Variants in CHGB observed in about 807,000 individuals in gnomAD.
CHGB encodes the protein secretogranin-1.
CHGB carries 46 observed loss-of-function variants against 69.9 expected under a neutral mutation model. The observed-to-expected ratio is 0.66, with a 90% CI of 0.52 to 0.84. The LOEUF (loss-of-function observed/expected upper bound fraction) is 0.84, where lower values mean the gene tolerates loss of function less well. CHGB is among the 40% of genes least tolerant of loss of function. The pLI, the probability that CHGB is intolerant of heterozygous loss-of-function variation, is 0.00. For synonymous variants in CHGB, 312 were observed against 298.2 expected, an observed-to-expected ratio of 1.05 and a Z score of -0.48; for missense variants, 796 against 822.2, an observed-to-expected ratio of 0.97 and a Z score of 0.39.
chr20:5,911,969 G>A (rs1356044957), intron 1 of CHGB, among the ~76,000 whole-genome samples: 2 of 152,176 alleles, frequency 1.3e-5, no homozygotes, highest in Non-Finnish European at 2.9e-5. Context: ...ATACCTGCAA[G>A]GAAACCTCAC....
chr20:5,918,163 A>AACAAAACAAAAC (rs1399922235), intron 3 of CHGB, among the ~76,000 whole-genome samples: 3,631 of 147,716 alleles, frequency 0.025, 189 homozygotes, highest in African/African-American at 0.089. Context: ...AAAAAAAAAA[A>AACAAAACAAAAC]AAAAAAAACT....
Position 5,924,092 on chromosome 20 carries a change from G to A in CHGB, c.1948G>A (p.Glu650Lys). Reference sequence around the variant, plus strand: ...CAGGGCTGACCAGACAGTCCTGACAGAGGACGAGGTATGGTCTAGGGCTTC... The same window carrying A: ...CAGGGCTGACCAGACAGTCCTGACAAAGGACGAGGTATGGTCTAGGGCTTC... ...KDRADQTVLT[E>K]DEKKELENLA... is the part of the protein sequence containing the mutation. The change falls in exon 4 of 5, where the codon GAG becomes AAG. Residue 650 changes from glutamate (E) to lysine (K), a missense_variant. Glu to Lys is a moderately conservative substitution (Grantham distance 56). Transcript: ENST00000378961. The A allele has an allele frequency of 6.2e-7, 1 of 1,608,890 alleles. No homozygotes were observed. The highest frequency in any genetic ancestry group is 8.5e-7 in the Non-Finnish European group (1 of 1,177,272).
intron 1 of CHGB, among the ~76,000 whole-genome samples, chr20:5,913,772 GGT>G (rs1321984129): frequency 6.6e-6 from 1 of 151,358 alleles, no homozygotes; most frequent in African/African-American, 2.4e-5. Flanking sequence ...TGGGATTACA[GGT>G]GTGTGTCACC....
rs56291961 is a variant in CHGB, at chr20:5,924,097, C to T, written c.1953C>T (p.Asp651=). The T allele has an allele frequency of 1.1e-3, 1,765 of 1,606,532 alleles. 2 individuals carry two copies. Among genetic ancestry groups the T allele is most frequent in the Non-Finnish European group, 1.4e-3 (1,637 of 1,176,028 alleles). ...DRADQTVLTE[D]EKKELENLAA... ...CTGACCAGACAGTCCTGACAGAGGA[C>T]GAGGTATGGTCTAGGGCTTCTGTTT... Residue 651 remains aspartate (D), a synonymous_variant, in exon 4 of 5, where the codon GAC becomes GAT. Transcript: ENST00000378961.
At chr20:5,920,869 A>G (rs1418278155) in intron 3 of CHGB, among the ~76,000 whole-genome samples, 1 of 152,254 alleles carries the variant, frequency 6.6e-6, no homozygotes, top group Non-Finnish European at 1.5e-5. Context: ...ACATGAGAAT[A>G]TTATTATCAT....
At chr20:5,912,794 C>T (rs1295804220) in intron 1 of CHGB, among the ~76,000 whole-genome samples, 1 of 152,090 alleles carries the variant, frequency 6.6e-6, no homozygotes, top group Non-Finnish European at 1.5e-5. Context: ...GATTGAGACT[C>T]CTACCTAGAA....
chr20:5,916,817 T>TC lies in CHGB; in HGVS notation c.97-3dup. The TC allele has an allele frequency of 1.2e-6, 2 of 1,613,980 alleles. No homozygotes were observed. The highest frequency in any genetic ancestry group is 2.2e-5 in the East Asian group (1 of 44,876). On this transcript the variant is annotated splice_polypyrimidine_tract_variant and intron_variant, in intron 2 of 4. Coordinates refer to ENST00000378961, the MANE Select transcript of CHGB (RefSeq NM_001819.3). ...AGCTTCTCCAACCTGCTTTCGGGTT[T>TC]CCCCCCAGGTGACTCGCTGCATCAT...
chr20:5,918,764 AT>A (rs2088494513), intron 3 of CHGB, among the ~76,000 whole-genome samples: 1 of 130,664 alleles, frequency 7.7e-6, no homozygotes, highest in Admixed American at 9.0e-5. Flanking sequence ...GTAAGCCGAG[AT>A]TGCCCCACGG....
chr20:5,914,376 G>A (rs759905535), intron 1 of CHGB, among the ~76,000 whole-genome samples: 15 of 151,912 alleles, frequency 9.9e-5, no homozygotes, highest in Non-Finnish European at 1.6e-4. Context: ...GAGAAACAAC[G>A]GTTTCATAAA....
rs764663273 is a variant in CHGB, at chr20:5,925,060, A to G, written c.*11A>G. On this transcript the variant is annotated 3_prime_UTR_variant, in exon 5 of 5. Transcript: ENST00000378961. ...AGCCAAAGGGGCTGACTGTCATTGG[A>G]GCGGTGGGCACTGTTAAGAAGCAGC... 1.5e-5 allele frequency: 24 copies of G among 1,594,430 alleles called. No homozygotes were observed. The highest frequency in any genetic ancestry group is 3.3e-4 in the Middle Eastern group (2 of 6,016).
At position 5,924,995 on chromosome 20, in the gene CHGB, T is replaced by C; in HGVS notation, c.1980T>C (p.Ala660=). The change falls in exon 5 of 5, where the codon GCT becomes GCC. Residue 660 remains alanine, a synonymous_variant. Transcript: ENST00000378961. Reference sequence around the variant, plus strand: ...AGAAAAAAGAACTCGAAAACTTGGCTGCAATGGATTTGGAACTACAGAAGA... The same window carrying C: ...AGAAAAAAGAACTCGAAAACTTGGCCGCAATGGATTTGGAACTACAGAAGA... The part of the protein sequence containing the change: ...EDEKKELENL[A]AMDLELQKIA... 1 of 1,613,300 alleles carries C rather than the reference T, an allele frequency of 6.2e-7. No individual in the cohort carries two copies.
chr20:5,918,435 C>T (rs184829795), intron 3 of CHGB, among the ~76,000 whole-genome samples: 44 of 152,132 alleles, frequency 2.9e-4, no homozygotes, highest in Middle Eastern at 3.4e-3. Flanking sequence ...AAACACCTCT[C>T]GCTGCCAGAC....
chr20:5,917,608 TC>T (rs1245816025), intron 3 of CHGB: 1 of 152,444 alleles, frequency 6.6e-6, no homozygotes, highest in African/African-American at 2.4e-5. Context: ...TGTGAAGTGT[TC>T]TCAATATGAA....
intron 3 of CHGB, among the ~76,000 whole-genome samples, chr20:5,918,926 G>C (rs432236): frequency 6.8e-6 from 1 of 146,154 alleles, no homozygotes; most frequent in African/African-American, 2.5e-5. Context: ...AGGGACCCTA[G>C]AAACAGTGGA....
Position 5,925,144 on chromosome 20 carries a change from C to T in CHGB, c.*95C>T. On this transcript the variant is annotated 3_prime_UTR_variant, in exon 5 of 5. Transcript: ENST00000378961. ...AAGACACCATTTATCTACCCAAGGG[C>T]AGAAAGTAGAACTTACTATTCATTA... 1 of 735,450 alleles carries T rather than the reference C, an allele frequency of 1.4e-6. No homozygotes were observed. 45.6% of individuals were successfully genotyped at this position (735,450 alleles called of 1,614,324 possible).
rs1167444576 is a variant in CHGB, at chr20:5,925,258, G to A, written c.*209G>A. The A allele has an allele frequency of 9.6e-6, 4 of 418,144 alleles. No individual in the cohort carries two copies. The highest frequency in any genetic ancestry group is 1.7e-5 in the Non-Finnish European group (4 of 231,720). The allele number at this position is 418,144 out of a possible 1,614,324, so 25.9% of individuals were successfully genotyped here. On this transcript the variant is annotated 3_prime_UTR_variant, in exon 5 of 5. Coordinates refer to ENST00000378961, the MANE Select transcript of CHGB (RefSeq NM_001819.3). ...CATGACTTGTAGCATATTCTTTTCT[G>A]CAAAATAGACATATTAACATGCTTA...
intron 3 of CHGB, among the ~76,000 whole-genome samples, chr20:5,920,167 C>T (rs1021439137): frequency 2.0e-5 from 3 of 152,208 alleles, no homozygotes; most frequent in African/African-American, 7.2e-5. Context: ...AGCTAAGCCT[C>T]AGGCACATGC....
In CHGB at chr20:5,922,437, C is replaced by G; in HGVS notation, c.293C>G (p.Ser98Cys). ...GCTGATGCCTCGGAAGCCCACGAGT[C>G]CTCCAGCAGGGGAGAGGCAGGAGCC... ...DPADASEAHESSSRGEAGAPG... is the reference protein window; with the variant it reads ...DPADASEAHECSSRGEAGAPG... The change falls in exon 4 of 5, where the codon TCC becomes TGC. Residue 98 changes from serine (S) to cysteine (C), a missense_variant. Transcript: ENST00000378961. 1 of 1,612,364 alleles carries G rather than the reference C, an allele frequency of 6.2e-7. No homozygotes were observed. The highest frequency in any genetic ancestry group is 1.1e-5 in the South Asian group (1 of 91,048).
intron 1 of CHGB, 90 bp downstream of exon 1, chr20:5,911,772 G>A: frequency 1.7e-6 from 2 of 1,209,542 alleles, no homozygotes; most frequent in Non-Finnish European, 2.2e-6. Flanking sequence ...GCGGATCCCG[G>A]GAGAGAGGGA....
Sources: gnomAD v4.1 joint callset for allele counts (sites outside exome capture counted in the v4.1 genomes callset) on GRCh38, gnomAD v4.1.1 for gene constraint, MANE v1.5 for transcripts, NCBI Gene and HGNC (gene_info 2026-07-23, HGNC 2026-07-21) for gene names.